LDLRAD3: variants seen among roughly 807,000 people sequenced by gnomAD.
LDLRAD3 encodes low density lipoprotein receptor class A domain containing 3.
A neutral mutation model predicts 29.4 loss-of-function variants in LDLRAD3; 20 were observed. The observed-to-expected ratio is 0.68, with a 90% CI of 0.48 to 0.99. LDLRAD3 has a LOEUF of 0.99. Among genes scored for constraint, LDLRAD3 ranks in the 50% least tolerant of loss-of-function variants. The pLI, the probability that LDLRAD3 is intolerant of heterozygous loss-of-function variation, is 0.00. For synonymous variants in LDLRAD3, 157 were observed against 192.7 expected (o/e 0.81, Z 1.53); for missense variants, 420 against 454.3 (o/e 0.92, Z 0.69).
intron 4 of LDLRAD3, among the ~76,000 whole-genome samples, chr11:36,202,200 C>A (rs959772315): frequency 2.0e-5 from 3 of 152,220 alleles, no homozygotes; most frequent in African/African-American, 7.2e-5. Context: ...CACCACCACG[C>A]CCAGCTAATT....
At chr11:36,096,113 G>T (rs1853356684) in intron 3 of LDLRAD3, among the ~76,000 whole-genome samples, 1 of 152,106 alleles carries the variant, frequency 6.6e-6, no homozygotes, top group Non-Finnish European at 1.5e-5. Context: ...TACATCATTG[G>T]TCCATCATCC....
intron 1 of LDLRAD3, among the ~76,000 whole-genome samples, chr11:36,019,601 C>A (rs191643738): frequency 1.3e-5 from 2 of 152,248 alleles, no homozygotes; most frequent in East Asian, 1.9e-4. Context: ...TTCGACTGAA[C>A]CCCTTTAGGC....
At position 35,957,795 on chromosome 11, in the gene LDLRAD3, CAA is replaced by C. The variant is rs1177748172; in HGVS notation, c.46+13670_46+13671del. Reference sequence around the variant, plus strand: ...TGGGTGACAGAGTGAGACCTTATCTCAAAAAAAAAAAAAAAAAAAAGAAAAGA... The same window carrying C: ...TGGGTGACAGAGTGAGACCTTATCTCAAAAAAAAAAAAAAAAAAGAAAAGA... On this transcript the variant is annotated intron_variant, in intron 1 of 5. Coordinates refer to ENST00000315571, the MANE Select transcript of LDLRAD3 (RefSeq NM_174902.4). Among the ~76,000 whole-genome samples, 10 of 79,256 alleles carry C rather than the reference CAA, an allele frequency of 1.3e-4. No homozygotes were observed. In the South Asian group the frequency reaches 1.9e-3, roughly 15 times the overall value. 52.0% of individuals were successfully genotyped at this position (79,256 alleles called of 152,430 possible).
chr11:35,981,201 A>C (rs1590702834), intron 1 of LDLRAD3, among the ~76,000 whole-genome samples: 1 of 55,092 alleles, frequency 1.8e-5, no homozygotes, highest in East Asian at 4.6e-4. Context: ...GGCAGTGGGC[A>C]GCGGGCGGGG....
intron 2 of LDLRAD3, among the ~76,000 whole-genome samples, chr11:36,061,605 G>A (rs1203264118): frequency 6.6e-6 from 1 of 152,176 alleles, no homozygotes; most frequent in East Asian, 1.9e-4. Flanking sequence ...TAAATGATAG[G>A]CTGTCATCAT....
intron 4 of LDLRAD3, among the ~76,000 whole-genome samples, chr11:36,218,245 C>G (rs373603146): frequency 2.6e-5 from 4 of 152,292 alleles, no homozygotes; most frequent in African/African-American, 9.6e-5. Context: ...GGACATGTCA[C>G]AAGGCAAATG....
intron 2 of LDLRAD3, among the ~76,000 whole-genome samples, chr11:36,045,792 A>G (rs1243071806): frequency 6.6e-6 from 1 of 150,444 alleles, no homozygotes; most frequent in African/African-American, 2.5e-5. Flanking sequence ...TTTTGGTTAC[A>G]TGGTAAGTTC....
chr11:36,192,835 CAG>C (rs1258701374), intron 4 of LDLRAD3, among the ~76,000 whole-genome samples: 1 of 152,168 alleles, frequency 6.6e-6, no homozygotes, highest in Non-Finnish European at 1.5e-5. Context: ...GCCAAAGCCT[CAG>C]GGGCCAAATG....
intron 4 of LDLRAD3, among the ~76,000 whole-genome samples, chr11:36,149,218 C>G (rs1854239435): frequency 6.6e-6 from 1 of 152,164 alleles, no homozygotes; most frequent in South Asian, 2.1e-4. Context: ...AGGGAATGAT[C>G]AGGCACTCAG....
chr11:36,207,802 G>A (rs746995550), intron 4 of LDLRAD3, among the ~76,000 whole-genome samples: 82 of 152,336 alleles, frequency 5.4e-4, no homozygotes, highest in Non-Finnish European at 6.2e-4. Context: ...CCACACTGGG[G>A]AAGGGAATAG....
intron 2 of LDLRAD3, among the ~76,000 whole-genome samples, chr11:36,066,646 T>G (rs1852798889): frequency 6.6e-6 from 1 of 152,232 alleles, no homozygotes; most frequent in Non-Finnish European, 1.5e-5. Context: ...ATTTTGCCTT[T>G]TTTTTCCTCG....
At chr11:36,113,838 T>C (rs1853638441) in intron 4 of LDLRAD3, among the ~76,000 whole-genome samples, 2 of 152,200 alleles carry the variant, frequency 1.3e-5, no homozygotes, top group African/African-American at 4.8e-5. Flanking sequence ...CACACCCAGC[T>C]AATTTTTGTA....
At chr11:35,979,514 G>A (rs767040479) in intron 1 of LDLRAD3, among the ~76,000 whole-genome samples, 4 of 152,214 alleles carry the variant, frequency 2.6e-5, no homozygotes, top group Admixed American at 6.5e-5. Context: ...TCCTTCCTGA[G>A]GTTGACCATG....
At chr11:36,069,720 C>T (rs1280571220) in intron 2 of LDLRAD3, among the ~76,000 whole-genome samples, 1 of 151,894 alleles carries the variant, frequency 6.6e-6, no homozygotes, top group Non-Finnish European at 1.5e-5. Flanking sequence ...CTTTCAGTTG[C>T]TCCTTTACCA....
chr11:36,003,058 G>C (rs1427576987), intron 1 of LDLRAD3, among the ~76,000 whole-genome samples: 1 of 152,228 alleles, frequency 6.6e-6, no homozygotes, highest in African/African-American at 2.4e-5. Context: ...AGTCAGGATT[G>C]AGGTCATAAC....
intron 3 of LDLRAD3, among the ~76,000 whole-genome samples, chr11:36,088,249 C>T (rs1853224439): frequency 6.6e-6 from 1 of 151,960 alleles, no homozygotes; most frequent in African/African-American, 2.4e-5. Context: ...TGGCCTCTTT[C>T]TTCCGCTGTC....
At position 36,011,024 on chromosome 11, in the gene LDLRAD3, C is replaced by T. The variant is rs541976896; in HGVS notation, c.47-25079C>T. On this transcript the variant is annotated intron_variant, in intron 1 of 5. Transcript: ENST00000315571. ...TTCTCCATGTTGGTCAGGCTGGTCTCGAACTCCTAACCTCAGGTGATCTGC... is the reference window on the plus strand; with the variant it reads ...TTCTCCATGTTGGTCAGGCTGGTCTTGAACTCCTAACCTCAGGTGATCTGC... 2.0e-4 allele frequency among the ~76,000 whole-genome samples: 31 copies of T among 152,158 alleles called. 1 individual carries two copies. The highest frequency in any genetic ancestry group is 3.5e-4 in the Non-Finnish European group (24 of 68,032).
At chr11:36,078,057 T>C (rs780549324) in intron 2 of LDLRAD3, among the ~76,000 whole-genome samples, 16 of 152,126 alleles carry the variant, frequency 1.1e-4, no homozygotes, top group Non-Finnish European at 1.9e-4. Context: ...AGTGTTCAGC[T>C]CTCAGCAGAG....
At chr11:36,171,553 G>A (rs187711702) in intron 4 of LDLRAD3, among the ~76,000 whole-genome samples, 1 of 152,168 alleles carries the variant, frequency 6.6e-6, no homozygotes, top group Non-Finnish European at 1.5e-5. Flanking sequence ...TGAATAGAAT[G>A]TGCTTTCCCC....
Sources: gnomAD v4.1 joint callset for allele counts (sites outside exome capture counted in the v4.1 genomes callset) on GRCh38, gnomAD v4.1.1 for gene constraint, MANE v1.5 for transcripts, NCBI Gene and HGNC (gene_info 2026-07-23, HGNC 2026-07-21) for gene names.